Variants in STYXL1 observed in about 807,000 individuals in gnomAD.
STYXL1 encodes the protein serine/threonine/tyrosine interacting like 1, also known as serine/threonine/tyrosine-interacting-like protein 1.
Under a neutral mutation model 36.4 loss-of-function variants are expected in STYXL1, and 32 were observed. The ratio of observed to expected loss-of-function variants is 0.88; its 90% confidence interval spans 0.66 to 1.18. The LOEUF (loss-of-function observed/expected upper bound fraction) is 1.18, where lower values mean the gene tolerates loss of function less well. Ranked by LOEUF, STYXL1 falls within the 50% of genes most tolerant of loss-of-function variation. STYXL1 has a pLI of 0.00. For synonymous variants in STYXL1, 133 were observed against 144.1 expected, an observed-to-expected ratio of 0.92 and a Z score of 0.55; for missense variants, 354 against 394.1, an observed-to-expected ratio of 0.90 and a Z score of 0.86.
rs1554581204 is a variant in STYXL1, at chr7:76,038,336, T to C, written c.-4-7809A>G. On this transcript the variant is annotated intron_variant, in intron 1 of 8. Coordinates refer to ENST00000359697, the MANE Select transcript of STYXL1 (RefSeq NM_001317785.2). The stretch of plus-strand genomic sequence containing the variant: ...GGTTCTGTGGGATGACATGAGCCTC[T>C]CCTCTGTCGTCCCAGAAAAACCTCC... 2.7e-5 allele frequency among the ~76,000 whole-genome samples: 4 copies of C among 149,558 alleles called. 1 individual carries two copies. The highest frequency in any genetic ancestry group is 9.8e-5 in the African/African-American group (4 of 40,920).
Position 76,002,796 on chromosome 7 carries a change from T to C in STYXL1, c.697+962A>G, listed in dbSNP as rs200194592. The stretch of plus-strand genomic sequence containing the variant: ...AAAATTAGTTGGACGTGGTGGTGCA[T>C]GCCTGTAGTCCCAGCTACTTGGGAG... On this transcript the variant is annotated intron_variant, in intron 7 of 8. Transcript: ENST00000359697. Among the ~76,000 whole-genome samples the C allele has an allele frequency of 1.4e-4, 22 of 152,234 alleles. No individual in the cohort carries two copies. In the East Asian group the frequency reaches 3.1e-3, roughly 21 times the overall value.
chr7:76,009,723 T>C (rs1317033935), intron 5 of STYXL1, among the ~76,000 whole-genome samples: 3 of 152,224 alleles, frequency 2.0e-5, no homozygotes, highest in Admixed American at 2.0e-4. Context: ...AAAAAAATTT[T>C]TGTGTAAACA....
intron 3 of STYXL1, among the ~76,000 whole-genome samples, chr7:76,022,697 A>G (rs1794225846): frequency 6.6e-6 from 1 of 151,986 alleles, no homozygotes; most frequent in Admixed American, 6.6e-5. Context: ...AAACACCCCA[A>G]AAAAGGACAG....
intron 5 of STYXL1, among the ~76,000 whole-genome samples, chr7:76,013,396 A>G (rs1792835968): frequency 6.7e-6 from 1 of 149,914 alleles, no homozygotes; most frequent in Non-Finnish European, 1.5e-5. Context: ...GGCTGCCAGG[A>G]GTCCAGATCT....
intron 1 of STYXL1, among the ~76,000 whole-genome samples, chr7:76,041,189 A>C (rs1407828297): frequency 6.6e-6 from 1 of 152,134 alleles, no homozygotes; most frequent in Non-Finnish European, 1.5e-5. Context: ...AAAAAAAAAA[A>C]AAAACTAAAT....
At chr7:76,022,046 G>C in intron 3 of STYXL1, 54 bp from the exon 4 acceptor site, 1 of 1,580,436 alleles carries the variant, frequency 6.3e-7, no homozygotes, top group Non-Finnish European at 8.5e-7. Context: ...GGCAGGTTCG[G>C]TTGAGCAGAG....
intron 7 of STYXL1, among the ~76,000 whole-genome samples, chr7:76,001,519 G>C (rs1790924106): frequency 6.6e-6 from 1 of 151,996 alleles, no homozygotes; most frequent in South Asian, 2.1e-4. Flanking sequence ...TTGAGACAGA[G>C]TTTCACTCTT....
At position 75,998,301 on chromosome 7, in the gene STYXL1, A is replaced by ATT. The variant is rs58275187; in HGVS notation, c.811-1704_811-1703dup. ...AAACCCTTACCTATATGGTCAAGCA[A>ATT]TTTTTTTTTTTTTTGAGACTGAGTC... On this transcript the variant is annotated intron_variant, in intron 8 of 8. Coordinates refer to ENST00000359697, the MANE Select transcript of STYXL1 (RefSeq NM_001317785.2). Among the ~76,000 whole-genome samples, 500 of 146,528 alleles carry ATT rather than the reference A, an allele frequency of 3.4e-3. 1 individual carries two copies. The highest frequency in any genetic ancestry group is 7.0e-3 in the East Asian group (35 of 5,028).
chr7:76,021,749 T>C (rs1554576252), intron 4 of STYXL1, 102 bp downstream of exon 4: 4 of 835,034 alleles, frequency 4.8e-6, no homozygotes. Flanking sequence ...TCAGTGTCAT[T>C]GGCCTGTTCC....
chr7:76,009,375 C>T (rs1792255435), intron 5 of STYXL1, among the ~76,000 whole-genome samples: 1 of 151,908 alleles, frequency 6.6e-6, no homozygotes, highest in African/African-American at 2.4e-5. Flanking sequence ...CTCCTATGCC[C>T]TCATGTCTGA....
chr7:76,000,434 C>A lies in STYXL1; in HGVS notation c.810+456G>T, dbSNP rs367913272. ...GGCTGTGACAGGCAGGGCAGGCCCT[C>A]GAGAAAGGTGCTGTGAGTTAGGAGC... On this transcript the variant is annotated intron_variant, in intron 8 of 8. Transcript: ENST00000359697. The A allele has an allele frequency of 6.6e-6, 3 of 456,788 alleles. No individual in the cohort carries two copies. In the Admixed American group the frequency reaches 7.1e-5, roughly 11 times the overall value. The allele number at this position is 456,788 out of a possible 1,614,324, so 28.3% of individuals were successfully genotyped here.
chr7:76,022,934 C>T (rs1794255811), intron 3 of STYXL1, among the ~76,000 whole-genome samples: 1 of 151,802 alleles, frequency 6.6e-6, no homozygotes, highest in East Asian at 1.9e-4. Context: ...CCCAAAAAAA[C>T]AAAAATAAAA....
rs60550486 is a variant in STYXL1, at chr7:76,031,331, CAAAAAAAAAAAAAA to C, written c.-4-818_-4-805del. Among the ~76,000 whole-genome samples the C allele has an allele frequency of 2.0e-3, 86 of 42,320 alleles. 4 individuals carry two copies. In the East Asian group the frequency reaches 0.065, roughly 32 times the overall value. 27.8% of individuals were successfully genotyped at this position (42,320 alleles called of 152,430 possible). A position where few individuals can be genotyped will look rare whatever the true frequency, so the allele number is the denominator to read the frequency against. On this transcript the variant is annotated intron_variant, in intron 1 of 8. Transcript: ENST00000359697. ...GGGGGACAGAGTGAGACTCTGTCTC[CAAAAAAAAAAAAAA>C]AAAAAAAAAAAAAGTAATATATTGA...
chr7:76,047,829 C>A lies in STYXL1; in HGVS notation c.-172G>T. 1 of 1,119,966 alleles carries A rather than the reference C, an allele frequency of 8.9e-7. No homozygotes were observed. Among genetic ancestry groups the A allele is most frequent in the Non-Finnish European group, 1.2e-6 (1 of 862,636 alleles). The allele number at this position is 1,119,966 out of a possible 1,614,324, so 69.4% of individuals were successfully genotyped here. A position where few individuals can be genotyped will look rare whatever the true frequency, so the allele number is the denominator to read the frequency against. ...GGCCCCACCTGGAAAAATGGCTCCT[C>A]TAAGGCGCTTCCAGCCTAAAGCCCG... On this transcript the variant is annotated 5_prime_UTR_variant, in exon 1 of 9. Coordinates refer to ENST00000359697, the MANE Select transcript of STYXL1 (RefSeq NM_001317785.2).
At chr7:76,042,597 G>A (rs1002523803) in intron 1 of STYXL1, among the ~76,000 whole-genome samples, 2 of 151,174 alleles carry the variant, frequency 1.3e-5, no homozygotes, top group Non-Finnish European at 3.0e-5. Context: ...TAGTAGAGAC[G>A]GGGTTTCACC....
Position 75,996,471 on chromosome 7 carries a change from G to C in STYXL1, c.939C>G (p.Tyr313Ter). 1 of 1,614,202 alleles carries C rather than the reference G, an allele frequency of 6.2e-7. No homozygotes were observed. Among genetic ancestry groups the C allele is most frequent in the Non-Finnish European group, 8.5e-7 (1 of 1,180,028 alleles). The change falls in exon 9 of 9, where the codon TAC becomes TAG. Residue 313 changes from tyrosine to a stop codon, truncating the protein, a stop_gained. Transcript: ENST00000359697. LOFTEE classifies it high-confidence loss of function. ...DSITNIMDPLY is the reference protein window; with the variant it reads ...DSITNIMDPL ...CTTCGGTGGGCCTCGGAGAAGATCA[G>C]TAGAGCGGATCCATGATGTTTGTGA...
At chr7:76,032,416 A>G (rs13234159) in intron 1 of STYXL1, among the ~76,000 whole-genome samples, 5,370 of 140,118 alleles carry the variant, frequency 0.038, 137 homozygotes, top group Middle Eastern at 0.074. Flanking sequence ...AAAAAAAAAG[A>G]AGGAGGAGGA....
At chr7:76,000,758 C>T in intron 8 of STYXL1, 132 bp downstream of exon 8, 1 of 704,924 alleles carries the variant, frequency 1.4e-6, no homozygotes, top group Non-Finnish European at 2.5e-6. Flanking sequence ...GACTGGGGAG[C>T]ACCCTAGACT....
At chr7:76,033,117 C>A (rs903495849) in intron 1 of STYXL1, among the ~76,000 whole-genome samples, 2 of 152,090 alleles carry the variant, frequency 1.3e-5, no homozygotes, top group Non-Finnish European at 2.9e-5. Context: ...AAGGGTCAGG[C>A]CTGTGCAGGA....
Sources: allele counts gnomAD v4.1 joint callset (sites outside exome capture counted in the v4.1 genomes callset), GRCh38; gene constraint gnomAD v4.1.1; transcripts MANE v1.5; gene names NCBI Gene and HGNC (gene_info 2026-07-23, HGNC 2026-07-21).